The following UGT8 variants were observed in gnomAD, a reference collection of about 807,000 sequenced individuals.
The protein encoded by UGT8 is UDP glycosyltransferase 8, also known as 2-hydroxyacylsphingosine 1-beta-galactosyltransferase.
A neutral mutation model predicts 40.5 loss-of-function variants in UGT8; 12 were observed. The observed-to-expected ratio is 0.30, with a 90% confidence interval of 0.19 to 0.48. UGT8 has a LOEUF of 0.48. Ranked by LOEUF, UGT8 falls within the 20% of genes least tolerant of loss-of-function variation. The pLI, the probability that UGT8 is intolerant of heterozygous loss-of-function variation, is 0.99. For synonymous variants in UGT8, 224 were observed against 240.4 expected (o/e 0.93, Z 0.63); for missense variants, 513 against 648.7 (o/e 0.79, Z 2.27).
intron 2 of UGT8, among the ~76,000 whole-genome samples, chr4:114,632,380 C>T (rs549137239): frequency 6.6e-6 from 1 of 152,264 alleles, no homozygotes; most frequent in Admixed American, 6.5e-5. Flanking sequence ...TGGCTTTTGA[C>T]AGGGTGGATT....
chr4:114,631,638 G>A (rs1418988587), intron 2 of UGT8, among the ~76,000 whole-genome samples: 5 of 152,154 alleles, frequency 3.3e-5, no homozygotes, highest in African/African-American at 9.7e-5. Context: ...TCTGGGGTGG[G>A]TCTAATAATT....
chr4:114,653,286 C>T (rs916803883), intron 2 of UGT8, among the ~76,000 whole-genome samples: 1 of 152,038 alleles, frequency 6.6e-6, no homozygotes, highest in African/African-American at 2.4e-5. Flanking sequence ...ACGTTATAGT[C>T]GTAGAATATG....
intron 4 of UGT8, among the ~76,000 whole-genome samples, chr4:114,666,722 ATTG>A (rs1379530233): frequency 6.6e-6 from 1 of 151,692 alleles, no homozygotes; most frequent in Non-Finnish European, 1.5e-5. Context: ...TCCATTTCTT[ATTG>A]TTTTTCTTTT....
intron 1 of UGT8, among the ~76,000 whole-genome samples, chr4:114,615,704 A>G (rs1336274151): frequency 6.6e-6 from 1 of 152,222 alleles, no homozygotes; most frequent in Non-Finnish European, 1.5e-5. Flanking sequence ...AGGAAGGTGA[A>G]AAGTGAAACT....
intron 5 of UGT8, among the ~76,000 whole-genome samples, chr4:114,673,260 C>T (rs34941812): frequency 0.43 from 65,376 of 151,990 alleles, 16,553 homozygotes; most frequent in South Asian, 0.63. Context: ...GACAATGCCA[C>T]TACATTAAAT....
chr4:114,662,055 A>G (rs957095907), intron 2 of UGT8, among the ~76,000 whole-genome samples: 5 of 152,260 alleles, frequency 3.3e-5, no homozygotes, highest in Non-Finnish European at 5.9e-5. Context: ...TAAATGTAGC[A>G]GAATATAAAA....
chr4:114,655,773 C>A (rs1346289106), intron 2 of UGT8, among the ~76,000 whole-genome samples: 2 of 152,024 alleles, frequency 1.3e-5, no homozygotes, highest in Non-Finnish European at 2.9e-5. Context: ...TTACTACCAT[C>A]TAAGTTTTAC....
At chr4:114,610,820 G>C (rs4833462) in intron 1 of UGT8, among the ~76,000 whole-genome samples, 152,088 of 152,276 alleles carry the variant, frequency 1, 75,951 homozygotes, top group Middle Eastern at 1. Flanking sequence ...ATGTTTGAGA[G>C]ATTACATGAA....
At chr4:114,671,369 A>G (rs963137824) in intron 5 of UGT8, among the ~76,000 whole-genome samples, 1 of 152,106 alleles carries the variant, frequency 6.6e-6, no homozygotes, top group Non-Finnish European at 1.5e-5. Flanking sequence ...AGCAAAAACA[A>G]CCAACCAAAA....
chr4:114,619,845 A>G (rs1017492467), intron 1 of UGT8, among the ~76,000 whole-genome samples: 8 of 151,888 alleles, frequency 5.3e-5, no homozygotes, highest in South Asian at 4.1e-4. Context: ...TTTCTGAGAT[A>G]TCATTTGTCA....
intron 1 of UGT8, among the ~76,000 whole-genome samples, chr4:114,621,726 G>A (rs747770046): frequency 1.3e-5 from 2 of 152,042 alleles, no homozygotes; most frequent in Non-Finnish European, 2.9e-5. Context: ...GTGTCATTCA[G>A]CCTTATCAAA....
chr4:114,599,306 G>A (rs1200287300), intron 1 of UGT8, among the ~76,000 whole-genome samples: 3 of 152,140 alleles, frequency 2.0e-5, no homozygotes, highest in Non-Finnish European at 2.9e-5. Flanking sequence ...GCAGAGGGAG[G>A]GTATAACGGG....
intron 2 of UGT8, among the ~76,000 whole-genome samples, chr4:114,649,707 CTT>C (rs1466363336): frequency 6.6e-6 from 1 of 152,074 alleles, no homozygotes; most frequent in Non-Finnish European, 1.5e-5. Context: ...AAAATGTAGT[CTT>C]TAGCTGGGCT....
intron 2 of UGT8, among the ~76,000 whole-genome samples, chr4:114,653,049 G>A (rs895130254): frequency 3.9e-5 from 6 of 151,926 alleles, no homozygotes; most frequent in South Asian, 2.1e-4. Flanking sequence ...TGCCCATACC[G>A]TTCTGGATCG....
chr4:114,620,034 C>T (rs1204137866), intron 1 of UGT8, among the ~76,000 whole-genome samples: 1 of 151,536 alleles, frequency 6.6e-6, no homozygotes, highest in African/African-American at 2.4e-5. Context: ...AAAATATAAG[C>T]AGTTCATTAA....
At chr4:114,655,851 A>T (rs1357002269) in intron 2 of UGT8, among the ~76,000 whole-genome samples, 6 of 152,144 alleles carry the variant, frequency 3.9e-5, no homozygotes, top group African/African-American at 1.4e-4. Context: ...GTTCAGAATT[A>T]TCAGTGGCCT....
rs571793921 is a variant in UGT8 at position 114,664,861 on chromosome 4, C to T, written c.965+724C>T. On this transcript the variant is annotated intron_variant, in intron 3 of 5. Transcript: ENST00000310836. Reference sequence around the variant, plus strand: ...TTACTACCATGAGTGGAAGAAAGTGCCCCTTAAGCCATTGCAAGTAGGCTT... The same window carrying T: ...TTACTACCATGAGTGGAAGAAAGTGTCCCTTAAGCCATTGCAAGTAGGCTT... Among the ~76,000 whole-genome samples, 64 of 152,304 alleles carry T rather than the reference C, an allele frequency of 4.2e-4. 2 individuals carry two copies. In the South Asian group the frequency reaches 0.013, roughly 32 times the overall value.
At position 114,676,061 on chromosome 4, in the gene UGT8, A is replaced by G; in HGVS notation, c.1399A>G (p.Ile467Val). 1.2e-6 allele frequency: 2 copies of G among 1,614,172 alleles called. No homozygotes were observed. Among genetic ancestry groups the G allele is most frequent in the South Asian group, 2.2e-5 (2 of 91,090 alleles). The change falls in exon 6 of 6, where the codon ATC (isoleucine) becomes GTC (valine). Residue 467 changes from isoleucine (I) to valine (V), a missense_variant. Ile to Val is a conservative substitution (Grantham distance 29). Transcript: ENST00000310836. ...AHHLRAAVHQ[I>V]SFCQYFLLDI... ...TCACCTACGTGCCGCTGTCCATCAG[A>G]TCTCCTTTTGTCAGTATTTTTTACT...
intron 2 of UGT8, among the ~76,000 whole-genome samples, chr4:114,648,633 A>C (rs1733724667): frequency 6.6e-6 from 1 of 152,218 alleles, no homozygotes; most frequent in South Asian, 2.1e-4. Context: ...ATGCCTATGC[A>C]ATAAAACAAA....
Sources: gnomAD v4.1 joint callset for allele counts (sites outside exome capture counted in the v4.1 genomes callset) on GRCh38, gnomAD v4.1.1 for gene constraint, MANE v1.5 for transcripts, NCBI Gene and HGNC (gene_info 2026-07-23, HGNC 2026-07-21) for gene names.